The following MAN2A1 variants were observed in gnomAD, a reference collection of about 807,000 sequenced individuals.
The protein encoded by MAN2A1 is mannosidase alpha class 2A member 1.
A neutral mutation model predicts 142.6 loss-of-function variants in MAN2A1; 76 were observed. The ratio of observed to expected loss-of-function variants is 0.53; its 90% CI spans 0.44 to 0.65. MAN2A1 has a LOEUF of 0.65. Ranked by LOEUF, MAN2A1 falls within the 30% of genes least tolerant of loss-of-function variation. The pLI, the probability that MAN2A1 is intolerant of heterozygous loss-of-function variation, is 0.00. For missense variants in MAN2A1, 1,311 were observed against 1,365.1 expected (o/e 0.96, Z 0.62); for synonymous variants, 559 against 473.2 (o/e 1.18, Z -2.35).
rs373595117 is a variant in MAN2A1 at position 109,781,517 on chromosome 5, G to A, written c.1496G>A (p.Arg499Gln). 2.5e-6 allele frequency: 4 copies of A among 1,613,072 alleles called. No individual in the cohort carries two copies. The highest frequency in any genetic ancestry group is 2.7e-5 in the African/African-American group (2 of 74,870). ...GGAGATTTTTTCACTTATGCCGATC[G>A]AGATGATCATTACTGGAGTGGCTAT... Reference protein sequence around the residue: ...LSGDFFTYADRDDHYWSGYFT... With the variant: ...LSGDFFTYADQDDHYWSGYFT... Residue 499 changes from arginine to glutamine, a missense_variant, in exon 9 of 22, where the codon CGA (arginine) becomes CAA (glutamine). This residue lies in a region of MAN2A1 where 890 missense variants were observed against 920.5 expected (regional missense o/e 0.97). Transcript: ENST00000261483.
intron 1 of MAN2A1, among the ~76,000 whole-genome samples, chr5:109,692,285 AG>A (rs756514328): frequency 1.3e-5 from 2 of 152,174 alleles, no homozygotes; most frequent in Admixed American, 6.5e-5. Context: ...ATTTGATGAA[AG>A]GTCAAAGTGG....
intron 12 of MAN2A1, among the ~76,000 whole-genome samples, chr5:109,812,050 C>T (rs1411124352): frequency 6.6e-6 from 1 of 152,112 alleles, no homozygotes. Flanking sequence ...TGCCAGGGTC[C>T]TTGGTCAGGA....
intron 2 of MAN2A1, among the ~76,000 whole-genome samples, chr5:109,714,264 C>T (rs1229461339): frequency 1.3e-5 from 2 of 151,312 alleles, no homozygotes; most frequent in African/African-American, 4.9e-5. Flanking sequence ...CCCCTGTCTG[C>T]GTGTGGCTAC....
intron 3 of MAN2A1, among the ~76,000 whole-genome samples, chr5:109,720,200 T>G (rs1026304829): frequency 3.9e-5 from 6 of 152,206 alleles, no homozygotes; most frequent in African/African-American, 1.4e-4. Flanking sequence ...GGACAGCATA[T>G]TGTTAGTTAA....
At chr5:109,799,272 T>C (rs527243372) in intron 12 of MAN2A1, among the ~76,000 whole-genome samples, 1 of 152,270 alleles carries the variant, frequency 6.6e-6, no homozygotes, top group East Asian at 1.9e-4. Flanking sequence ...TCTAGACTCT[T>C]TAACGTGGCT....
Position 109,819,783 on chromosome 5 carries a change from G to C in MAN2A1, c.2224G>C (p.Asp742His). Residue 742 changes from aspartate (D) to histidine (H), a missense_variant, in exon 14 of 22, where the codon GAT becomes CAT. By Grantham distance (81) the Asp-to-His change is moderately conservative. Transcript: ENST00000261483. ...DYVLYKNKVE[D>H]SGIFTIKNMI... The stretch of plus-strand genomic sequence containing the variant: ...TGTCTTGTATAAGAATAAAGTAGAA[G>C]ATAGCGGAATTTTCACCATAAAGAA... 1 of 1,609,974 alleles carries C rather than the reference G, an allele frequency of 6.2e-7. No individual in the cohort carries two copies. Among genetic ancestry groups the C allele is most frequent in the Non-Finnish European group, 8.5e-7 (1 of 1,177,144 alleles).
intron 4 of MAN2A1, among the ~76,000 whole-genome samples, chr5:109,737,855 A>T (rs1422488212): frequency 6.6e-6 from 1 of 152,172 alleles, no homozygotes; most frequent in African/African-American, 2.4e-5. Flanking sequence ...GTGTATTGGA[A>T]GGAGTATAGA....
chr5:109,817,494 A>G (rs1396740117), intron 13 of MAN2A1, 56 bp downstream of exon 13: 5 of 1,559,102 alleles, frequency 3.2e-6, no homozygotes, highest in East Asian at 2.2e-5. Flanking sequence ...TAGCCAGTAT[A>G]TAATTTGTGT....
intron 9 of MAN2A1, among the ~76,000 whole-genome samples, chr5:109,784,012 C>T (rs1029326628): frequency 3.9e-5 from 6 of 151,940 alleles, no homozygotes; most frequent in Non-Finnish European, 7.4e-5. Context: ...ACTATAGGTG[C>T]ATGTCACTAC....
Position 109,767,528 on chromosome 5 carries a change from T to A in MAN2A1, c.836-7T>A. ...AAAAAATTAACACTTATCATCTTTATCCACAGGAGTGAAACCTCGGTCCGG... is the reference window on the plus strand; with the variant it reads ...AAAAAATTAACACTTATCATCTTTAACCACAGGAGTGAAACCTCGGTCCGG... On this transcript the variant is annotated splice_region_variant and splice_polypyrimidine_tract_variant and intron_variant, in intron 5 of 21. Transcript: ENST00000261483. 1.2e-6 allele frequency: 2 copies of A among 1,607,228 alleles called. No homozygotes were observed.
intron 12 of MAN2A1, among the ~76,000 whole-genome samples, chr5:109,801,854 T>C (rs1754040573): frequency 6.6e-6 from 1 of 152,170 alleles, no homozygotes; most frequent in African/African-American, 2.4e-5. Flanking sequence ...ATTAAAAATT[T>C]AAAGAGATAA....
At chr5:109,814,649 C>T (rs1389742977) in intron 12 of MAN2A1, among the ~76,000 whole-genome samples, 4 of 152,144 alleles carry the variant, frequency 2.6e-5, no homozygotes, top group African/African-American at 7.2e-5. Context: ...GTAGAAACAT[C>T]GTTATGGTCA....
chr5:109,774,123 T>C (rs749028167), intron 7 of MAN2A1, among the ~76,000 whole-genome samples: 1 of 152,144 alleles, frequency 6.6e-6, no homozygotes, highest in East Asian at 1.9e-4. Context: ...GAAACCAAAA[T>C]AACTAATTCA....
intron 12 of MAN2A1, among the ~76,000 whole-genome samples, chr5:109,796,908 GTC>G (rs1486126173): frequency 2.0e-5 from 3 of 152,112 alleles, no homozygotes; most frequent in African/African-American, 7.2e-5. Context: ...CTTATTGTGT[GTC>G]TCACTTGGTA....
chr5:109,820,384 T>G, intron 15 of MAN2A1, 42 bp downstream of exon 15: 1 of 1,559,456 alleles, frequency 6.4e-7, no homozygotes, highest in Non-Finnish European at 8.7e-7. Flanking sequence ...TAAACACTTA[T>G]TGAAAGAGTA....
intron 4 of MAN2A1, among the ~76,000 whole-genome samples, chr5:109,741,959 A>G (rs1344703852): frequency 1.3e-5 from 2 of 152,202 alleles, no homozygotes; most frequent in Non-Finnish European, 2.9e-5. Flanking sequence ...TTTGAAAATG[A>G]CTGGTGGTGT....
chr5:109,811,573 C>CGTGTGTGT (rs70999943), intron 12 of MAN2A1, among the ~76,000 whole-genome samples: 26 of 145,014 alleles, frequency 1.8e-4, no homozygotes, highest in African/African-American at 6.6e-4. Flanking sequence ...TCCTAACAGC[C>CGTGTGTGT]GTGTGTGTGT....
chr5:109,734,173 A>T, intron 4 of MAN2A1, among the ~76,000 whole-genome samples: 1 of 150,252 alleles, frequency 6.7e-6, no homozygotes, highest in Admixed American at 6.6e-5. Context: ...GTATTCTCTG[A>T]TGGTAGTTTG....
chr5:109,811,577 T>TGC (rs1188973320), intron 12 of MAN2A1, among the ~76,000 whole-genome samples: 15 of 104,396 alleles, frequency 1.4e-4, no homozygotes, highest in African/African-American at 4.3e-4. Context: ...AACAGCCGTG[T>TGC]GTGTGTGTGT....
Sources: gnomAD v4.1 joint callset for allele counts (sites outside exome capture counted in the v4.1 genomes callset) on GRCh38, gnomAD v4.1.1 for gene constraint, gnomAD v4.1.1 regional missense constraint, MANE v1.5 for transcripts, NCBI Gene and HGNC (gene_info 2026-07-23, HGNC 2026-07-21) for gene names.